The following MBOAT1 variants were observed in gnomAD, a reference collection of about 807,000 sequenced individuals.
The protein encoded by MBOAT1 is membrane bound glycerophospholipid O-acyltransferase 1, also known as membrane-bound glycerophospholipid O-acyltransferase 1.
In MBOAT1, 67 loss-of-function variants were observed where a neutral mutation model predicts 64.4. That is an observed-to-expected ratio of 1.04 (90% CI 0.85 to 1.27). The LOEUF (loss-of-function observed/expected upper bound fraction) is 1.27, where lower values mean the gene tolerates loss of function less well. Among genes scored for constraint, MBOAT1 ranks in the 50% most tolerant of loss-of-function variants. The pLI is 0.00. For synonymous variants in MBOAT1, 229 were observed against 218.9 expected (o/e 1.05, Z -0.41); for missense variants, 563 against 604.6 (o/e 0.93, Z 0.72).
intron 4 of MBOAT1, among the ~76,000 whole-genome samples, chr6:20,137,674 C>T (rs900568354): frequency 6.6e-6 from 1 of 151,686 alleles, no homozygotes; most frequent in Non-Finnish European, 1.5e-5. Context: ...ATTTCAAGTC[C>T]CAGAATAATC....
chr6:20,177,040 C>T (rs1762362476), intron 1 of MBOAT1, among the ~76,000 whole-genome samples: 1 of 152,180 alleles, frequency 6.6e-6, no homozygotes, highest in Admixed American at 6.5e-5. Flanking sequence ...ATATTAGAAA[C>T]ACTAAACATT....
rs949496028 is a variant in MBOAT1 at position 20,131,373 on chromosome 6, C to A, written c.420-174G>T. Among the ~76,000 whole-genome samples, 10 of 152,180 alleles carry A rather than the reference C, an allele frequency of 6.6e-5. 1 individual carries two copies. Among genetic ancestry groups the A allele is most frequent in the Non-Finnish European group, 1.2e-4 (8 of 68,028 alleles). ...GGGGCAGTTACCTCCATGCTGTTCTCGTGATAGTGAGTGAGTTCTCACAAG... is the reference window on the plus strand; with the variant it reads ...GGGGCAGTTACCTCCATGCTGTTCTAGTGATAGTGAGTGAGTTCTCACAAG... On this transcript the variant is annotated intron_variant, in intron 4 of 12. Coordinates refer to ENST00000324607, the MANE Select transcript of MBOAT1 (RefSeq NM_001080480.3).
At chr6:20,182,287 C>T (rs185861911) in intron 1 of MBOAT1, among the ~76,000 whole-genome samples, 46 of 152,266 alleles carry the variant, frequency 3.0e-4, no homozygotes, top group African/African-American at 8.4e-4. Context: ...GCACCTTCTA[C>T]GTGTCCTTAC....
At position 20,191,280 on chromosome 6, in the gene MBOAT1, C is replaced by T. The variant is rs1453256375; in HGVS notation, c.99+20856G>A. On this transcript the variant is annotated intron_variant, in intron 1 of 12. Transcript: ENST00000324607. ...ATGACCCCTTGCCAAAATGCTGGCA[C>T]CATGCTCTTGAACTTCCCAGCCTCT... Among the ~76,000 whole-genome samples, 7 of 152,238 alleles carry T rather than the reference C, an allele frequency of 4.6e-5. 1 individual carries two copies. The highest frequency in any genetic ancestry group is 2.0e-4 in the Admixed American group (3 of 15,284).
chr6:20,195,636 C>T (rs1762935182), intron 1 of MBOAT1, among the ~76,000 whole-genome samples: 1 of 136,766 alleles, frequency 7.3e-6, no homozygotes. Flanking sequence ...TGTGTGTGTG[C>T]ATGTGCACTA....
At chr6:20,115,595 C>T (rs767418246) in intron 9 of MBOAT1, among the ~76,000 whole-genome samples, 8 of 152,102 alleles carry the variant, frequency 5.3e-5, no homozygotes, top group South Asian at 2.1e-4. Flanking sequence ...TTTCAAATTA[C>T]AGGAAAACTG....
At chr6:20,150,545 TTTTC>T (rs1458943801) in intron 3 of MBOAT1, among the ~76,000 whole-genome samples, 14 of 151,322 alleles carry the variant, frequency 9.3e-5, no homozygotes, top group African/African-American at 3.4e-4. Context: ...TCTTTCATTA[TTTTC>T]TTTTTCTTTT....
chr6:20,158,994 A>G (rs1357667360), intron 1 of MBOAT1, among the ~76,000 whole-genome samples: 1 of 152,252 alleles, frequency 6.6e-6, no homozygotes, highest in African/African-American at 2.4e-5. Context: ...TACAGCCATT[A>G]TGGAAAACGG....
intron 3 of MBOAT1, 114 bp downstream of exon 3, chr6:20,151,071 A>G: frequency 1.4e-6 from 1 of 718,158 alleles, no homozygotes; most frequent in Non-Finnish European, 2.4e-6. Flanking sequence ...TAGATAAACT[A>G]AGATATACCA....
intron 12 of MBOAT1, among the ~76,000 whole-genome samples, chr6:20,107,740 T>C (rs1581392625): frequency 6.6e-6 from 1 of 151,882 alleles, no homozygotes; most frequent in Non-Finnish European, 1.5e-5. Context: ...AATATATTCC[T>C]TAAAAATCTT....
At chr6:20,197,782 T>G (rs62397945) in intron 1 of MBOAT1, among the ~76,000 whole-genome samples, 6,398 of 152,320 alleles carry the variant, frequency 0.042, 149 homozygotes, top group Non-Finnish European at 0.054. Context: ...CCCCTGAGGC[T>G]GTGTCACAGG....
At chr6:20,185,483 T>A (rs55964627) in intron 1 of MBOAT1, among the ~76,000 whole-genome samples, 4,640 of 152,230 alleles carry the variant, frequency 0.03, 227 homozygotes, top group African/African-American at 0.1. Context: ...AAGTTTGACC[T>A]CCCTGGAAGA....
intron 1 of MBOAT1, among the ~76,000 whole-genome samples, chr6:20,162,529 A>C (rs2113711473): frequency 6.6e-6 from 1 of 152,366 alleles, no homozygotes; most frequent in African/African-American, 2.4e-5. Context: ...ACAAGTTTTG[A>C]AGCAATAATA....
At chr6:20,142,099 C>G (rs1271570223) in intron 4 of MBOAT1, among the ~76,000 whole-genome samples, 1 of 152,084 alleles carries the variant, frequency 6.6e-6, no homozygotes, top group Non-Finnish European at 1.5e-5. Context: ...AAGATATATA[C>G]AGGCAATAGG....
rs914638297 is a variant in MBOAT1, at chr6:20,212,187, G to A, written c.48C>T (p.Gly16=). 1.9e-6 allele frequency: 3 copies of A among 1,613,044 alleles called. No homozygotes were observed. The highest frequency in any genetic ancestry group is 1.3e-5 in the African/African-American group (1 of 74,906). Residue 16 remains glycine, a synonymous_variant, in exon 1 of 13, where the codon GGC becomes GGT. Coordinates refer to ENST00000324607, the MANE Select transcript of MBOAT1 (RefSeq NM_001080480.3). ...CGCTGAGCGGGTGCAGGTAGGTGGA[G>A]CCCGTGGTGCGGTAGGAAAGGCTGG... The part of the protein sequence containing the change: ...QPSSLSYRTT[G]STYLHPLSEL...
chr6:20,198,695 C>T (rs909781394), intron 1 of MBOAT1, among the ~76,000 whole-genome samples: 1 of 152,222 alleles, frequency 6.6e-6, no homozygotes, highest in African/African-American at 2.4e-5. Context: ...ACACATATTA[C>T]TCTAATAAAC....
chr6:20,155,582 GT>G (rs1277896612), intron 1 of MBOAT1, among the ~76,000 whole-genome samples: 1 of 152,178 alleles, frequency 6.6e-6, no homozygotes, highest in Non-Finnish European at 1.5e-5. Flanking sequence ...TCTAACCTGT[GT>G]TTAAAAACAA....
At chr6:20,157,508 A>C (rs1761729374) in intron 1 of MBOAT1, among the ~76,000 whole-genome samples, 1 of 152,212 alleles carries the variant, frequency 6.6e-6, no homozygotes, top group Non-Finnish European at 1.5e-5. Flanking sequence ...TATTTTCATC[A>C]TTTGGAAAGG....
At chr6:20,168,435 A>C (rs1423530470) in intron 1 of MBOAT1, among the ~76,000 whole-genome samples, 1 of 150,392 alleles carries the variant, frequency 6.6e-6, no homozygotes, top group East Asian at 2.0e-4. Context: ...ACTGCCCTCC[A>C]GCCTGGGCCA....
Sources: allele counts gnomAD v4.1 joint callset (sites outside exome capture counted in the v4.1 genomes callset), GRCh38; gene constraint gnomAD v4.1.1; transcripts MANE v1.5; gene names NCBI Gene and HGNC (gene_info 2026-07-23, HGNC 2026-07-21).